The following SHPRH variants were observed in gnomAD, a reference collection of about 807,000 sequenced individuals.
SHPRH encodes the protein E3 ubiquitin-protein ligase SHPRH.
In SHPRH, 106 loss-of-function variants were observed where a neutral mutation model predicts 202.5. The observed-to-expected ratio is 0.52, with a 90% CI of 0.45 to 0.62. The LOEUF is 0.62. Ranked by LOEUF, SHPRH falls within the 20% of genes least tolerant of loss-of-function variation. The pLI, the probability that SHPRH is intolerant of heterozygous loss-of-function variation, is 0.00. For missense variants in SHPRH, 1,710 were observed against 2,020.0 expected (o/e 0.85, Z 2.94); for synonymous variants, 729 against 686.0 (o/e 1.06, Z -0.98).
intron 10 of SHPRH, 66 bp downstream of exon 10, chr6:145,941,547 TTAAACTACTC>T (rs1236289020): frequency 6.4e-7 from 1 of 1,570,984 alleles, no homozygotes; most frequent in African/African-American, 1.4e-5. Context: ...GCTTAAACTA[TTAAACTACTC>T]AAGGTCCCCT....
rs771757412 is a variant in SHPRH, at chr6:145,940,838, A to G, written c.2491-37T>C. The G allele has an allele frequency of 5.0e-6, 8 of 1,603,046 alleles. No individual in the cohort carries two copies. In the East Asian group the frequency reaches 6.7e-5, roughly 13 times the overall value. On this transcript the variant is annotated intron_variant, in intron 10 of 29. Transcript: ENST00000275233. ...GAAAAATGAAATAAAAATGAAATCC[A>G]GAAAACCACAGAAAGAACACAGAAG...
chr6:145,878,440 T>G (rs889193409), intron 2 of SHPRH, among the ~76,000 whole-genome samples: 3 of 152,226 alleles, frequency 2.0e-5, no homozygotes, highest in Non-Finnish European at 4.4e-5. Flanking sequence ...AATCCCGTTT[T>G]GTTTATTCAT....
chr6:145,874,901 G>A (rs1045715199), intron 2 of SHPRH, among the ~76,000 whole-genome samples: 1 of 152,162 alleles, frequency 6.6e-6, no homozygotes, highest in Non-Finnish European at 1.5e-5. Flanking sequence ...ACTCCACAGA[G>A]CTTGAATAAA....
rs1214920934 is a variant in SHPRH, at chr6:145,948,284, G to A, written c.1049C>T (p.Pro350Leu). The A allele has an allele frequency of 6.3e-7, 1 of 1,591,602 alleles. No individual in the cohort carries two copies. The highest frequency in any genetic ancestry group is 8.6e-7 in the Non-Finnish European group (1 of 1,168,786). ...AATTTTGCCTTACCAGCCTGTATAT[G>A]GATTATAGTAGAGTTTCAGACCCTC... ...TSEGLKLYYN[P>L]YTGCIIREYP... is the part of the protein sequence containing the mutation. Residue 350 changes from proline to leucine, a missense_variant, in exon 5 of 30, where the codon CCA becomes CTA. Pro to Leu is a moderately conservative substitution (Grantham distance 98). Coordinates refer to ENST00000275233, the MANE Select transcript of SHPRH (RefSeq NM_001042683.3).
chr6:145,955,536 C>T (rs1292791162), intron 1 of SHPRH, among the ~76,000 whole-genome samples, 182 bp from the exon 2 acceptor site: 2 of 152,024 alleles, frequency 1.3e-5, no homozygotes, highest in Admixed American at 6.6e-5. Flanking sequence ...AACATATTAA[C>T]CATAATCTCA....
intron 25 of SHPRH, chr6:145,908,007 G>C (rs940606092): frequency 6.6e-6 from 1 of 152,038 alleles, no homozygotes; most frequent in Non-Finnish European, 1.5e-5. Flanking sequence ...TTACGAGTGA[G>C]AACATGTGGT....
At chr6:145,870,509 G>A (rs1487842271) in intron 2 of SHPRH, among the ~76,000 whole-genome samples, 2 of 151,984 alleles carry the variant, frequency 1.3e-5, no homozygotes, top group Non-Finnish European at 2.9e-5. Context: ...TGATCCACCC[G>A]CCTCAGCCTC....
At chr6:145,893,120 G>A in intron 28 of SHPRH, 95 bp downstream of exon 28, 2 of 1,050,724 alleles carry the variant, frequency 1.9e-6, no homozygotes, top group Non-Finnish European at 2.5e-6. Context: ...TTAAAAACAA[G>A]TACGCTATGA....
intron 2 of SHPRH, among the ~76,000 whole-genome samples, chr6:145,867,631 T>TATATATATATATATAG (rs1554220329): frequency 1.8e-4 from 4 of 22,318 alleles, no homozygotes; most frequent in Non-Finnish European, 3.0e-4. Flanking sequence ...TATATATATA[T>TATATATATATATATAG]AGAGAGAGAG....
chr6:145,904,399 A>G (rs1166493671), intron 25 of SHPRH: 1 of 152,134 alleles, frequency 6.6e-6, no homozygotes, highest in Non-Finnish European at 1.5e-5. Context: ...GTAGTTTCTA[A>G]AATTTGAAAA....
chr6:145,926,425 A>T (rs1784885837), intron 15 of SHPRH, 129 bp from the exon 16 acceptor site: 3 of 811,982 alleles, frequency 3.7e-6, no homozygotes, highest in Non-Finnish European at 5.8e-6. Context: ...TTTTCCTATA[A>T]AAAAATCTGA....
In SHPRH at chr6:145,894,244, A is replaced by G. The variant is rs1279555474; in HGVS notation, c.4609-8T>C. On this transcript the variant is annotated splice_polypyrimidine_tract_variant and splice_region_variant and intron_variant, in intron 26 of 29. Transcript: ENST00000275233. ...ATCTAATACATCTTGCCACTAGAAC[A>G]CATAAAACAATAAGAAAACCAATAT... 6.3e-7 allele frequency: 1 copy of G among 1,576,750 alleles called. No individual in the cohort carries two copies. Among genetic ancestry groups the G allele is most frequent in the Non-Finnish European group, 8.6e-7 (1 of 1,163,690 alleles).
intron 20 of SHPRH, 148 bp from the exon 21 acceptor site, chr6:145,921,540 G>GTT (rs11326222): frequency 1.0e-3 from 558 of 545,214 alleles, no homozygotes; most frequent in South Asian, 1.5e-3. Flanking sequence ...AATTTGGCCA[G>GTT]TTTTTTTTTT....
chr6:145,900,086 T>C (rs6909033), intron 25 of SHPRH, among the ~76,000 whole-genome samples: 6 of 152,012 alleles, frequency 3.9e-5, no homozygotes, highest in African/African-American at 4.8e-5. Context: ...TTTTGGAAAA[T>C]AGTAAAGAGG....
intron 2 of SHPRH, among the ~76,000 whole-genome samples, chr6:145,870,259 A>ATTT (rs146513776): frequency 3.7e-5 from 4 of 107,760 alleles, no homozygotes; most frequent in African/African-American, 7.9e-5. Context: ...ATCGTTTCAG[A>ATTT]TTTTTTTTTT....
chr6:145,945,687 G>T, intron 7 of SHPRH, 50 bp from the exon 8 acceptor site: 1 of 1,514,446 alleles, frequency 6.6e-7, no homozygotes. Context: ...AAAATGAAAA[G>T]AAAGTAAAAC....
intron 11 of SHPRH, among the ~76,000 whole-genome samples, chr6:145,938,080 G>C (rs1786310395): frequency 6.6e-6 from 1 of 152,156 alleles, no homozygotes; most frequent in Non-Finnish European, 1.5e-5. Context: ...GCTATGGTTT[G>C]AATGTATCCC....
chr6:145,926,194 A>C lies in SHPRH; in HGVS notation c.3294+10T>G. ...TATACTTTTATAGACAGAATGAAAA[A>C]AATAATTACCTCTTCCTCAAGTCGG... On this transcript the variant is annotated intron_variant, in intron 16 of 29. Transcript: ENST00000275233. 1 of 1,611,778 alleles carries C rather than the reference A, an allele frequency of 6.2e-7. No individual in the cohort carries two copies. The highest frequency in any genetic ancestry group is 8.5e-7 in the Non-Finnish European group (1 of 1,178,456).
chr6:145,941,340 T>C (rs1411548067), intron 10 of SHPRH, among the ~76,000 whole-genome samples: 1 of 152,206 alleles, frequency 6.6e-6, no homozygotes. Context: ...TTACAGAAGT[T>C]CCTAAACACA....
Sources: gnomAD v4.1 joint callset for allele counts (sites outside exome capture counted in the v4.1 genomes callset) on GRCh38, gnomAD v4.1.1 for gene constraint, MANE v1.5 for transcripts, NCBI Gene and HGNC (gene_info 2026-07-23, HGNC 2026-07-21) for gene names.